HMGCS2: variants seen among roughly 807,000 people sequenced by gnomAD.
HMGCS2 encodes the protein 3-hydroxy-3-methylglutaryl-CoA synthase 2.
Under a neutral mutation model 57.4 loss-of-function variants are expected in HMGCS2, and 50 were observed. That is an observed-to-expected ratio of 0.87 (90% CI 0.69 to 1.10). The LOEUF (loss-of-function observed/expected upper bound fraction) is 1.10. Ranked by LOEUF, HMGCS2 falls within the 50% of genes least tolerant of loss-of-function variation. The pLI is 0.00. For missense variants in HMGCS2, 627 were observed against 636.5 expected (o/e 0.99, Z 0.16); for synonymous variants, 254 against 245.1 (o/e 1.04, Z -0.34).
In HMGCS2 at chr1:119,754,370, TA is replaced by T. The variant is rs1376670380; in HGVS notation, c.1188-985del. On this transcript the variant is annotated intron_variant, in intron 6 of 9. Coordinates refer to ENST00000369406, the MANE Select transcript of HMGCS2 (RefSeq NM_005518.4). ...CCGTGAACATCCATGGCTAATTGTT[TA>T]AAAAAATTTTGTAGAGATGGGGCCT... Among the ~76,000 whole-genome samples the T allele has an allele frequency of 5.3e-5, 8 of 152,158 alleles. No individual in the cohort carries two copies. In the South Asian group the frequency reaches 6.3e-4, roughly 12 times the overall value.
chr1:119,768,883 C>G lies in HMGCS2; in HGVS notation c.-39G>C, dbSNP rs1278829085. The G allele has an allele frequency of 6.8e-7, 1 of 1,461,038 alleles. No individual in the cohort carries two copies. Among genetic ancestry groups the G allele is most frequent in the Admixed American group, 1.7e-5 (1 of 58,696 alleles). The allele number at this position is 1,461,038 out of a possible 1,614,324, so 90.5% of individuals were successfully genotyped here. On this transcript the variant is annotated 5_prime_UTR_variant, in exon 1 of 10. Transcript: ENST00000369406. ...AGCAGAAACCCAGCAGTTCAGAAAC[C>G]CAGCAGAAACCTTGAAAGAGATGCC...
chr1:119,754,856 G>A (rs973803483), intron 6 of HMGCS2, among the ~76,000 whole-genome samples: 8 of 152,106 alleles, frequency 5.3e-5, no homozygotes, highest in Non-Finnish European at 7.4e-5. Context: ...CTGTTTTCTT[G>A]ATGTGCCCAA....
At chr1:119,763,182 A>G (rs1196459237) in intron 2 of HMGCS2, among the ~76,000 whole-genome samples, 2 of 152,234 alleles carry the variant, frequency 1.3e-5, no homozygotes, top group African/African-American at 4.8e-5. Flanking sequence ...TGCTGCATGT[A>G]CAGAGATAAA....
intron 5 of HMGCS2, 75 bp downstream of exon 5, chr1:119,757,198 A>T: frequency 6.2e-7 from 1 of 1,610,820 alleles, no homozygotes. Flanking sequence ...CTGGTGGTCT[A>T]GACTTAAGGC....
At chr1:119,760,442 C>T (rs1652999956) in intron 2 of HMGCS2, among the ~76,000 whole-genome samples, 1 of 152,206 alleles carries the variant, frequency 6.6e-6, no homozygotes, top group Non-Finnish European at 1.5e-5. Context: ...CATCCACATT[C>T]ACAAGTGAAG....
At chr1:119,749,433 T>C (rs1652575400) in intron 9 of HMGCS2, among the ~76,000 whole-genome samples, 1 of 145,716 alleles carries the variant, frequency 6.9e-6, no homozygotes. Flanking sequence ...TTCTGATGAA[T>C]GAACTAAGTT....
intron 1 of HMGCS2, among the ~76,000 whole-genome samples, chr1:119,765,994 A>G (rs1235224841): frequency 6.6e-6 from 1 of 152,224 alleles, no homozygotes; most frequent in African/African-American, 2.4e-5. Flanking sequence ...CAGCAGAAAG[A>G]GCAATTCTAA....
Position 119,764,359 on chromosome 1 carries a change from C to T in HMGCS2, c.372G>A (p.Val124=). Residue 124 remains valine, a synonymous_variant, in exon 2 of 10, where the codon GTG becomes GTA. Coordinates refer to ENST00000369406, the MANE Select transcript of HMGCS2 (RefSeq NM_005518.4). ...MERIQLPWDS[V]GRLEVGTETI... ...TCTCAGTGCCTACTTCCAGCCTGCCCACAGAGTCCCATGGGAGCTGTATGC... is the reference window on the plus strand; with the variant it reads ...TCTCAGTGCCTACTTCCAGCCTGCCTACAGAGTCCCATGGGAGCTGTATGC... The T allele has an allele frequency of 6.2e-7, 1 of 1,614,256 alleles. No individual in the cohort carries two copies. Among genetic ancestry groups the T allele is most frequent in the Non-Finnish European group, 8.5e-7 (1 of 1,180,054 alleles).
rs1160442408 is a variant in HMGCS2 at position 119,748,745 on chromosome 1, C to CTTAAAAATTCAT, written c.*101_*102insATGAATTTTTAA. 1 of 152,192 alleles carries CTTAAAAATTCAT rather than the reference C, an allele frequency of 6.6e-6. No individual in the cohort carries two copies. The highest frequency in any genetic ancestry group is 1.9e-4 in the East Asian group (1 of 5,188). 9.4% of individuals were successfully genotyped at this position (152,192 alleles called of 1,614,324 possible). On this transcript the variant is annotated 3_prime_UTR_variant, in exon 10 of 10. Transcript: ENST00000369406. ...TGGGGCTACTATGTCGATTCAAATT[C>CTTAAAAATTCAT]ATTTACCAGCTAAGAGTGGGATCTT...
chr1:119,753,249 C>T (rs913112346), intron 7 of HMGCS2, 31 bp downstream of exon 7: 5 of 1,322,008 alleles, frequency 3.8e-6, no homozygotes, highest in Non-Finnish European at 4.4e-6. Flanking sequence ...TGAATCTTGT[C>T]AGGAAGGCCT....
At chr1:119,756,841 T>C (rs1193719474) in intron 5 of HMGCS2, among the ~76,000 whole-genome samples, 5 of 152,230 alleles carry the variant, frequency 3.3e-5, no homozygotes, top group Non-Finnish European at 5.9e-5. Flanking sequence ...TTTGTGTCTG[T>C]ATAGGCTGTG....
At position 119,750,804 on chromosome 1, in the gene HMGCS2, A is replaced by T; in HGVS notation, c.1525T>A (p.Ter509LysextTer26). Residue 509 changes from the stop codon to lysine (K), a stop_lost, in exon 9 of 10, where the codon TAA becomes AAA. Coordinates refer to ENST00000369406, the MANE Select transcript of HMGCS2 (RefSeq NM_005518.4). ...CTGCAAACTCTCACTCACCACCTTT[A>T]GACGGGACGCCGGGCATACTTTCGG... ...HRRKYARRPV[*>K] is the part of the protein sequence containing the mutation. 5.0e-6 allele frequency: 8 copies of T among 1,611,066 alleles called. No individual in the cohort carries two copies. The highest frequency in any genetic ancestry group is 1.3e-5 in the African/African-American group (1 of 74,940).
At chr1:119,752,155 G>T (rs1652680804) in intron 8 of HMGCS2, among the ~76,000 whole-genome samples, 1 of 152,168 alleles carries the variant, frequency 6.6e-6, no homozygotes, top group South Asian at 2.1e-4. Flanking sequence ...ACTGAGAAAA[G>T]TTCAACCATT....
At chr1:119,749,856 C>G (rs1652592869) in intron 9 of HMGCS2, among the ~76,000 whole-genome samples, 1 of 152,208 alleles carries the variant, frequency 6.6e-6, no homozygotes, top group South Asian at 2.1e-4. Flanking sequence ...GGAGACTGCA[C>G]TAATTAAAAT....
chr1:119,764,490 C>T lies in HMGCS2; in HGVS notation c.241G>A (p.Ala81Thr), dbSNP rs151187711. 104 of 1,612,410 alleles carry T rather than the reference C, an allele frequency of 6.4e-5. 1 individual carries two copies. In the African/African-American group the frequency reaches 6.5e-4, roughly 10 times the overall value. Reference sequence around the variant, plus strand: ...CCCAAGCCCACTGTATACTTTCCTGCTTCCACATTGTTATACTTCTCCAGG... The same window carrying T: ...CCCAAGCCCACTGTATACTTTCCTGTTTCCACATTGTTATACTTCTCCAGG... ...TDLEKYNNVE[A>T]GKYTVGLGQT... Residue 81 changes from alanine (A) to threonine (T), a missense_variant, in exon 2 of 10, where the codon GCA becomes ACA. Ala to Thr is a moderately conservative substitution (Grantham distance 58). Coordinates refer to ENST00000369406, the MANE Select transcript of HMGCS2 (RefSeq NM_005518.4).
intron 7 of HMGCS2, among the ~76,000 whole-genome samples, 181 bp downstream of exon 7, chr1:119,753,099 G>A (rs587754570): frequency 2.0e-5 from 3 of 152,190 alleles, no homozygotes; most frequent in East Asian, 3.9e-4. Context: ...AGCCAAATAA[G>A]TGCTTTAAAC....
At chr1:119,765,262 C>T (rs1443144499) in intron 1 of HMGCS2, among the ~76,000 whole-genome samples, 3 of 152,132 alleles carry the variant, frequency 2.0e-5, no homozygotes, top group Non-Finnish European at 4.4e-5. Flanking sequence ...GCACCTGCCA[C>T]CACGCCCAGC....
Position 119,764,303 on chromosome 1 carries a change from G to C in HMGCS2, c.428C>G (p.Thr143Arg), listed in dbSNP as rs760689678. The change falls in exon 2 of 10, where the codon ACA (threonine) becomes AGA (arginine). Residue 143 changes from threonine to arginine, a missense_variant. Physicochemically the swap from Thr to Arg is moderately conservative, Grantham distance 71. Coordinates refer to ENST00000369406, the MANE Select transcript of HMGCS2 (RefSeq NM_005518.4). The part of the protein sequence containing the change: ...TIIDKSKAVK[T>R]VLMELFQDSG... Reference sequence around the variant, plus strand: ...ATCCTGGAAGAGTTCCATGAGCACTGTTTTGACAGCTTTGGACTTGTCAAT... The same window carrying C: ...ATCCTGGAAGAGTTCCATGAGCACTCTTTTGACAGCTTTGGACTTGTCAAT... 1 of 1,614,224 alleles carries C rather than the reference G, an allele frequency of 6.2e-7. No homozygotes were observed. The highest frequency in any genetic ancestry group is 1.7e-5 in the Admixed American group (1 of 60,028).
intron 6 of HMGCS2, among the ~76,000 whole-genome samples, chr1:119,755,017 A>ATATT (rs779312673): frequency 1.3e-5 from 2 of 150,446 alleles, no homozygotes; most frequent in African/African-American, 4.9e-5. Context: ...CCTTTCTTTT[A>ATATT]TATTTATTTA....
Sources: gnomAD v4.1 joint callset for allele counts (sites outside exome capture counted in the v4.1 genomes callset) on GRCh38, gnomAD v4.1.1 for gene constraint, MANE v1.5 for transcripts, NCBI Gene and HGNC (gene_info 2026-07-23, HGNC 2026-07-21) for gene names.